The following DLST variants were observed in gnomAD, a reference collection of about 807,000 sequenced individuals.
The protein encoded by DLST is dihydrolipoamide S-succinyltransferase.
In DLST, 17 loss-of-function variants were observed where a neutral mutation model predicts 53.1. That is an observed-to-expected ratio of 0.32 (90% CI 0.22 to 0.48). The LOEUF (loss-of-function observed/expected upper bound fraction) is 0.48. Ranked by LOEUF, DLST falls within the 20% of genes least tolerant of loss-of-function variation. The pLI, the probability that DLST is intolerant of heterozygous loss-of-function variation, is 0.99. For synonymous variants in DLST, 206 were observed against 204.8 expected, an observed-to-expected ratio of 1.01 and a Z score of -0.05; for missense variants, 512 against 583.9, an observed-to-expected ratio of 0.88 and a Z score of 1.27.
intron 3 of DLST, among the ~76,000 whole-genome samples, chr14:74,887,615 A>G (rs987703817): frequency 1.1e-4 from 17 of 152,318 alleles, no homozygotes; most frequent in African/African-American, 4.1e-4. Context: ...CAAAAAGTAA[A>G]AAGGGTGTCC....
chr14:74,882,171 G>A (rs1459780852), intron 1 of DLST, among the ~76,000 whole-genome samples, 155 bp downstream of exon 1: 6 of 152,106 alleles, frequency 3.9e-5, no homozygotes, highest in Admixed American at 2.0e-4. Flanking sequence ...CGGGGCCGTG[G>A]TTGCCCTCGG....
At chr14:74,897,817 C>T (rs531969861) in intron 10 of DLST, among the ~76,000 whole-genome samples, 1 of 152,136 alleles carries the variant, frequency 6.6e-6, no homozygotes, top group Non-Finnish European at 1.5e-5. Flanking sequence ...CCCTTCCCTG[C>T]AGAGTCATGA....
rs1028948668 is a variant in DLST, at chr14:74,902,565, A to G, written c.*235A>G. On this transcript the variant is annotated 3_prime_UTR_variant, in exon 15 of 15. Coordinates refer to ENST00000334220, the MANE Select transcript of DLST (RefSeq NM_001933.5). Reference sequence around the variant, plus strand: ...TCGAATATCTTAATTCCTTAGGCTTAAGAGAGAGAGCCTTAATGGATGCTC... The same window carrying G: ...TCGAATATCTTAATTCCTTAGGCTTGAGAGAGAGAGCCTTAATGGATGCTC... 11 of 392,454 alleles carry G rather than the reference A, an allele frequency of 2.8e-5. No individual in the cohort carries two copies. Among genetic ancestry groups the G allele is most frequent in the African/African-American group, 8.1e-5 (4 of 49,444 alleles). The allele number at this position is 392,454 out of a possible 1,614,324, so 24.3% of individuals were successfully genotyped here.
chr14:74,884,011 A>T (rs1447750546), intron 2 of DLST, among the ~76,000 whole-genome samples: 1 of 152,208 alleles, frequency 6.6e-6, no homozygotes, highest in Non-Finnish European at 1.5e-5. Flanking sequence ...AAAGGGTGTG[A>T]TGAGAGGGTG....
rs765315601 is a variant in DLST at position 74,893,355 on chromosome 14, A to C, written c.603A>C (p.Ala201=). ...TCCTCTTTTCATTTTCAGTGTCTGC[A>C]GTAAAACCCACTGTTGCCCCACCAC... ...SQPPSGKPVS[A]VKPTVAPPLA... is the part of the protein sequence containing the mutation. Residue 201 remains alanine (A), a synonymous_variant, in exon 9 of 15, where the codon GCA becomes GCC. Coordinates refer to ENST00000334220, the MANE Select transcript of DLST (RefSeq NM_001933.5). The C allele has an allele frequency of 1.9e-6, 3 of 1,614,126 alleles. No individual in the cohort carries two copies. Among genetic ancestry groups the C allele is most frequent in the Non-Finnish European group, 2.5e-6 (3 of 1,180,052 alleles).
At position 74,902,233 on chromosome 14, in the gene DLST, A is replaced by G. The variant is rs778239022; in HGVS notation, c.1265A>G (p.Tyr422Cys). The G allele has an allele frequency of 6.2e-6, 10 of 1,612,402 alleles. No homozygotes were observed. Among genetic ancestry groups the G allele is most frequent in the Admixed American group, 1.7e-5 (1 of 59,812 alleles). The change falls in exon 15 of 15, where the codon TAT (tyrosine) becomes TGT (cysteine). Residue 422 changes from tyrosine (Y) to cysteine (C), a missense_variant. Tyr to Cys is a radical substitution (Grantham distance 194). Transcript: ENST00000334220. ...VRPMMYVALTYDHRLIDGREA... is the reference protein window; with the variant it reads ...VRPMMYVALTCDHRLIDGREA... ...CCCATGATGTACGTGGCACTGACCT[A>G]TGATCACCGGCTGATTGATGGCAGA...
At chr14:74,893,937 G>T (rs549077251) in intron 9 of DLST, among the ~76,000 whole-genome samples, 3 of 152,188 alleles carry the variant, frequency 2.0e-5, no homozygotes, top group Non-Finnish European at 4.4e-5. Flanking sequence ...ATGAGGTTCT[G>T]TTCCACAAAT....
In DLST at chr14:74,900,294, G is replaced by C. The variant is rs1446824471; in HGVS notation, c.981G>C (p.Leu327=). 1 of 1,613,910 alleles carries C rather than the reference G, an allele frequency of 6.2e-7. No homozygotes were observed. The highest frequency in any genetic ancestry group is 2.2e-5 in the East Asian group (1 of 44,886). Residue 327 remains leucine, a synonymous_variant, in exon 13 of 15, where the codon CTG becomes CTC. Coordinates refer to ENST00000334220, the MANE Select transcript of DLST (RefSeq NM_001933.5). ...ISVAVATPRG[L]VVPVIRNVEA... is the part of the protein sequence containing the mutation. ...CAGCTTTTCACCCCCTTCAGGGTCT[G>C]GTGGTTCCAGTCATCAGGAATGTGG...
At chr14:74,893,566 C>A in intron 9 of DLST, 142 bp downstream of exon 9, 1 of 835,976 alleles carries the variant, frequency 1.2e-6, no homozygotes, top group Non-Finnish European at 1.9e-6. Context: ...GATATAACTT[C>A]TTCATAGTCA....
At chr14:74,883,319 T>C (rs930580296) in intron 2 of DLST, among the ~76,000 whole-genome samples, 61 of 146,992 alleles carry the variant, frequency 4.1e-4, no homozygotes, top group African/African-American at 1.3e-3. Flanking sequence ...AAAAAAGTTA[T>C]GGCTAGCAGA....
At chr14:74,891,537 A>G (rs562736176) in intron 7 of DLST, 1 of 995,250 alleles carries the variant, frequency 1.0e-6, no homozygotes, top group South Asian at 4.4e-5. Flanking sequence ...TTGAGCACTG[A>G]CAGAATGCTC....
intron 10 of DLST, among the ~76,000 whole-genome samples, chr14:74,896,534 A>G (rs1262601125): frequency 6.6e-6 from 1 of 152,174 alleles, no homozygotes; most frequent in Non-Finnish European, 1.5e-5. Flanking sequence ...TGTTTTCTTG[A>G]TAGTGCGCTG....
At chr14:74,889,250 A>AT (rs749175326) in intron 4 of DLST, 25 bp from the exon 5 acceptor site, 30 of 1,609,650 alleles carry the variant, frequency 1.9e-5, no homozygotes, top group Non-Finnish European at 3.4e-6. Flanking sequence ...ACTACTTATG[A>AT]TTTTCTTTTT....
At chr14:74,891,502 A>G in intron 7 of DLST, 1 of 1,002,928 alleles carries the variant, frequency 1.0e-6, no homozygotes, top group Non-Finnish European at 1.2e-6. Flanking sequence ...CTGAAAATCC[A>G]AAATCTGAAA....
At chr14:74,891,253 T>C (rs1883897421) in intron 7 of DLST, 86 bp downstream of exon 7, 1 of 1,579,834 alleles carries the variant, frequency 6.3e-7, no homozygotes, top group African/African-American at 1.3e-5. Context: ...CCCCGATATG[T>C]CAAAGACTCT....
chr14:74,890,256 T>C (rs1883859470), intron 6 of DLST, among the ~76,000 whole-genome samples: 1 of 151,648 alleles, frequency 6.6e-6, no homozygotes, highest in Non-Finnish European at 1.5e-5. Flanking sequence ...GCCTCCCTAG[T>C]ATCTGGGCTT....
intron 14 of DLST, among the ~76,000 whole-genome samples, chr14:74,901,602 C>G (rs1407208559): frequency 1.3e-5 from 2 of 152,192 alleles, no homozygotes; most frequent in Non-Finnish European, 1.5e-5. Context: ...AGTCTGTGAG[C>G]TGCCAAGTTG....
intron 2 of DLST, among the ~76,000 whole-genome samples, chr14:74,885,340 A>G (rs768936367): frequency 1.2e-4 from 19 of 152,152 alleles, no homozygotes; most frequent in Non-Finnish European, 2.2e-4. Flanking sequence ...GGGCTGTGCC[A>G]TCAAATTTTT....
intron 3 of DLST, 85 bp downstream of exon 3, chr14:74,885,719 T>C: frequency 7.8e-7 from 1 of 1,287,808 alleles, no homozygotes; most frequent in South Asian, 1.4e-5. Context: ...ATCTGATTTC[T>C]TCACTGGCCT....
Sources: allele counts gnomAD v4.1 joint callset (sites outside exome capture counted in the v4.1 genomes callset), GRCh38; gene constraint gnomAD v4.1.1; transcripts MANE v1.5; gene names NCBI Gene and HGNC (gene_info 2026-07-23, HGNC 2026-07-21).